The following BMPR2 variants were observed in gnomAD, a reference collection of about 807,000 sequenced individuals.
The protein encoded by BMPR2 is bone morphogenetic protein receptor type 2.
A neutral mutation model predicts 100.8 loss-of-function variants in BMPR2; 29 were observed. That is an observed-to-expected ratio of 0.29 (90% CI 0.21 to 0.39). BMPR2 has a LOEUF of 0.39. Among genes scored for constraint, BMPR2 ranks in the 10% least tolerant of loss-of-function variants. BMPR2 has a pLI of 1.00. For missense variants in BMPR2, 1,011 were observed against 1,274.5 expected (o/e 0.79, Z 3.15); for synonymous variants, 382 against 442.3 (o/e 0.86, Z 1.71).
At chr2:202,516,484 G>A (rs1394386059) in intron 5 of BMPR2, among the ~76,000 whole-genome samples, 1 of 152,120 alleles carries the variant, frequency 6.6e-6, no homozygotes, top group Non-Finnish European at 1.5e-5. Flanking sequence ...GACAAGTCAT[G>A]GGCAACATGG....
At chr2:202,543,367 A>G (rs1408938861) in intron 10 of BMPR2, among the ~76,000 whole-genome samples, 1 of 150,312 alleles carries the variant, frequency 6.7e-6, no homozygotes, top group Non-Finnish European at 1.5e-5. Flanking sequence ...TAACAAATAT[A>G]CACTCATATA....
At chr2:202,382,927 A>C (rs1266556174) in intron 1 of BMPR2, among the ~76,000 whole-genome samples, 2 of 152,206 alleles carry the variant, frequency 1.3e-5, no homozygotes, top group African/African-American at 4.8e-5. Context: ...TCTGCCTTTG[A>C]TGCCCTCATC....
At chr2:202,515,023 A>T (rs1687688694) in intron 5 of BMPR2, 44 bp downstream of exon 5, 2 of 1,503,126 alleles carry the variant, frequency 1.3e-6, no homozygotes, top group Admixed American at 1.7e-5. Flanking sequence ...CTACTGTGAT[A>T]CTAGACCTGG....
intron 1 of BMPR2, among the ~76,000 whole-genome samples, chr2:202,428,820 T>C (rs1392943359): frequency 6.6e-6 from 1 of 152,242 alleles, no homozygotes; most frequent in African/African-American, 2.4e-5. Flanking sequence ...TCTCTTGATA[T>C]CTTGGCATTT....
At chr2:202,510,807 A>G (rs1383091567) in intron 3 of BMPR2, among the ~76,000 whole-genome samples, 1 of 151,778 alleles carries the variant, frequency 6.6e-6, no homozygotes, top group African/African-American at 2.4e-5. Context: ...GAGCCTCCTG[A>G]GTAGCTGGGA....
At chr2:202,514,572 G>A (rs370294959) in intron 4 of BMPR2, among the ~76,000 whole-genome samples, 5 of 152,124 alleles carry the variant, frequency 3.3e-5, no homozygotes, top group Non-Finnish European at 4.4e-5. Flanking sequence ...GGAAATCAGC[G>A]TTCATTGATT....
At chr2:202,377,618 G>A in intron 1 of BMPR2, 68 bp downstream of exon 1, 2 of 1,564,992 alleles carry the variant, frequency 1.3e-6, no homozygotes, top group Non-Finnish European at 1.8e-6. Context: ...AGCCCGCAGA[G>A]GCCGAGGCCT....
intron 7 of BMPR2, among the ~76,000 whole-genome samples, chr2:202,526,770 A>G (rs926837164): frequency 2.6e-5 from 4 of 152,258 alleles, no homozygotes; most frequent in African/African-American, 9.6e-5. Context: ...ACTCTGAAAC[A>G]TTAGCTAATG....
rs762096820 is a variant in BMPR2, at chr2:202,485,545, C to CTT, written c.418+17874_418+17875dup. Among the ~76,000 whole-genome samples the CTT allele has an allele frequency of 3.0e-3, 194 of 64,010 alleles. 36 individuals carry two copies. The highest frequency in any genetic ancestry group is 0.037 in the Middle Eastern group (2 of 54). 42.0% of individuals were successfully genotyped at this position (64,010 alleles called of 152,430 possible). A position where few individuals can be genotyped will look rare whatever the true frequency, so the allele number is the denominator to read the frequency against. On this transcript the variant is annotated intron_variant, in intron 3 of 12. Transcript: ENST00000374580. The stretch of plus-strand genomic sequence containing the variant: ...GTCTCAAATCTCCCTTTGCCTTTAT[C>CTT]TTTTTTTTTTTTTTTTTTTGAGACA...
chr2:202,432,697 A>G (rs1460261248), intron 1 of BMPR2, among the ~76,000 whole-genome samples: 1 of 150,736 alleles, frequency 6.6e-6, no homozygotes, highest in Non-Finnish European at 1.5e-5. Context: ...TTTTAAAACT[A>G]AAATGATCCT....
intron 2 of BMPR2, among the ~76,000 whole-genome samples, chr2:202,466,379 CG>C (rs1692321817): frequency 6.6e-6 from 1 of 151,390 alleles, no homozygotes; most frequent in Admixed American, 6.6e-5. Flanking sequence ...CTCCGCCTCC[CG>C]GGTTCAAGCG....
intron 1 of BMPR2, among the ~76,000 whole-genome samples, chr2:202,397,299 C>T (rs1049420656): frequency 6.6e-6 from 1 of 151,940 alleles, no homozygotes; most frequent in Non-Finnish European, 1.5e-5. Flanking sequence ...TAAAACTAAC[C>T]CCAATTTCAG....
rs370970738 is a variant in BMPR2 at position 202,398,304 on chromosome 2, CAAAAT to C, written c.76+20757_76+20761del. ...CTGTATAATGTAAGCTGTCTCAAAA[CAAAAT>C]AATATAAAGATTTCCTTTTGTTTTT... is the stretch of plus-strand genomic sequence containing the variant. On this transcript the variant is annotated intron_variant, in intron 1 of 12. Coordinates refer to ENST00000374580, the MANE Select transcript of BMPR2 (RefSeq NM_001204.7). Among the ~76,000 whole-genome samples, 391 of 152,126 alleles carry C rather than the reference CAAAAT, an allele frequency of 2.6e-3. 1 individual carries two copies. The highest frequency in any genetic ancestry group is 9.1e-3 in the African/African-American group (376 of 41,522).
intron 1 of BMPR2, among the ~76,000 whole-genome samples, chr2:202,453,824 G>T (rs1249825735): frequency 6.6e-6 from 1 of 152,014 alleles, no homozygotes; most frequent in Non-Finnish European, 1.5e-5. Context: ...GAGTATAATT[G>T]GATTGTTTGT....
chr2:202,463,546 A>C (rs1224759545), intron 1 of BMPR2, among the ~76,000 whole-genome samples: 6 of 152,234 alleles, frequency 3.9e-5, no homozygotes, highest in Non-Finnish European at 7.3e-5. Context: ...AACAAGTCAG[A>C]AGCCCCCAAG....
intron 1 of BMPR2, among the ~76,000 whole-genome samples, chr2:202,383,315 G>A (rs928786974): frequency 5.3e-5 from 8 of 152,192 alleles, no homozygotes; most frequent in African/African-American, 1.7e-4. Context: ...GGGAAGCCAA[G>A]GCGGGCTGAT....
chr2:202,399,175 C>G (rs1574427781), intron 1 of BMPR2, among the ~76,000 whole-genome samples: 1 of 151,880 alleles, frequency 6.6e-6, no homozygotes, highest in East Asian at 1.9e-4. Flanking sequence ...CATAAAGGAA[C>G]AAGATCATTA....
At chr2:202,407,612 C>G (rs1553496997) in intron 1 of BMPR2, among the ~76,000 whole-genome samples, 2 of 151,264 alleles carry the variant, frequency 1.3e-5, no homozygotes, top group Non-Finnish European at 3.0e-5. Flanking sequence ...ACTAAAAATA[C>G]AAAAAAATCA....
chr2:202,495,499 G>T lies in BMPR2; in HGVS notation c.419-18220G>T, dbSNP rs6751565. On this transcript the variant is annotated intron_variant, in intron 3 of 12. Coordinates refer to ENST00000374580, the MANE Select transcript of BMPR2 (RefSeq NM_001204.7). This position sits in a 1 kb window ranked among gnomAD's most constrained non-coding sequence, Gnocchi z 4.5. Reference sequence around the variant, plus strand: ...GATGTGCTCCTCTTTACGTCTGGCCGCCTGTGTGTCTGCCTGCTAGGGTCT... The same window carrying T: ...GATGTGCTCCTCTTTACGTCTGGCCTCCTGTGTGTCTGCCTGCTAGGGTCT... Among the ~76,000 whole-genome samples, 5,562 of 152,218 alleles carry T rather than the reference G, an allele frequency of 0.037. 365 individuals carry two copies. The highest frequency in any genetic ancestry group is 0.13 in the African/African-American group (5,337 of 41,512).
Sources: allele counts gnomAD v4.1 joint callset (sites outside exome capture counted in the v4.1 genomes callset), GRCh38; gene constraint gnomAD v4.1.1; non-coding constraint Gnocchi (gnomAD v3.1); transcripts MANE v1.5; gene names NCBI Gene and HGNC (gene_info 2026-07-23, HGNC 2026-07-21).